NELL1: variants seen among roughly 807,000 people sequenced by gnomAD.
NELL1 encodes the protein neural EGFL like 1.
In NELL1, 76 loss-of-function variants were observed where a neutral mutation model predicts 107.4. That is an observed-to-expected ratio of 0.71 (90% CI 0.59 to 0.86). NELL1 has a LOEUF of 0.86. Ranked by LOEUF, NELL1 falls within the 40% of genes least tolerant of loss-of-function variation. NELL1 has a pLI of 0.00. For missense variants in NELL1, 1,024 were observed against 1,005.5 expected (o/e 1.02, Z -0.25); for synonymous variants, 353 against 341.2 (o/e 1.03, Z -0.38).
intron 12 of NELL1, among the ~76,000 whole-genome samples, chr11:21,072,599 C>T (rs1174613295): frequency 6.6e-6 from 1 of 152,028 alleles, no homozygotes; most frequent in Non-Finnish European, 1.5e-5. Context: ...ACATGACAGA[C>T]TAAAGATAGG....
chr11:21,182,297 G>C lies in NELL1; in HGVS notation c.1427-47035G>C, dbSNP rs1357492379. On this transcript the variant is annotated intron_variant, in intron 13 of 19. Transcript: ENST00000357134. ...AAAAATACAAAAATTAGCCGGATGTGGTGTCAGGTGTCTGTAATCTCAGCT... is the reference window on the plus strand; with the variant it reads ...AAAAATACAAAAATTAGCCGGATGTCGTGTCAGGTGTCTGTAATCTCAGCT... Among the ~76,000 whole-genome samples the C allele has an allele frequency of 2.6e-5, 4 of 151,808 alleles. No individual in the cohort carries two copies. In the East Asian group the frequency reaches 7.7e-4, roughly 29 times the overall value.
At chr11:20,744,288 G>A (rs188307145) in intron 2 of NELL1, among the ~76,000 whole-genome samples, 237 of 151,956 alleles carry the variant, frequency 1.6e-3, no homozygotes, top group African/African-American at 5.5e-3. Context: ...TTTTAAAGTT[G>A]TAAAGTTTTA....
chr11:21,117,004 A>G (rs1251832413), intron 13 of NELL1, among the ~76,000 whole-genome samples: 2 of 151,874 alleles, frequency 1.3e-5, no homozygotes, highest in Non-Finnish European at 2.9e-5. Context: ...TCTGTCTTTT[A>G]CCGTTTCTTT....
chr11:21,102,925 A>G (rs994933596), intron 12 of NELL1, among the ~76,000 whole-genome samples: 26 of 152,220 alleles, frequency 1.7e-4, no homozygotes, highest in Non-Finnish European at 3.5e-4. Flanking sequence ...TAATAAGGTC[A>G]TAGATATAGT....
At chr11:21,093,415 G>A (rs1027183460) in intron 12 of NELL1, among the ~76,000 whole-genome samples, 6 of 152,032 alleles carry the variant, frequency 3.9e-5, no homozygotes, top group Non-Finnish European at 4.4e-5. Context: ...CAACTCTCTA[G>A]CATTCAATTT....
At chr11:20,771,633 G>A (rs1856643065) in intron 2 of NELL1, among the ~76,000 whole-genome samples, 1 of 152,172 alleles carries the variant, frequency 6.6e-6, no homozygotes, top group African/African-American at 2.4e-5. Flanking sequence ...GATACTCTTA[G>A]AGCTGTTTGC....
chr11:21,217,693 C>T (rs1454724903), intron 13 of NELL1, among the ~76,000 whole-genome samples: 2 of 152,148 alleles, frequency 1.3e-5, no homozygotes, highest in African/African-American at 2.4e-5. Flanking sequence ...ATAAAATCTG[C>T]TTGTCATGTC....
At chr11:20,896,566 G>T (rs1849742865) in intron 5 of NELL1, among the ~76,000 whole-genome samples, 1 of 152,062 alleles carries the variant, frequency 6.6e-6, no homozygotes, top group South Asian at 2.1e-4. Flanking sequence ...TTCCATAGGG[G>T]TTAATAGTTT....
At position 21,323,098 on chromosome 11, in the gene NELL1, A is replaced by G. The variant is rs1228661295; in HGVS notation, c.1550-47755A>G. Among the ~76,000 whole-genome samples the G allele has an allele frequency of 2.6e-5, 4 of 152,184 alleles. No homozygotes were observed. In the East Asian group the frequency reaches 7.7e-4, roughly 29 times the overall value. ...CTGGAGAGAAAAAATAATCACCCAT[A>G]TTCGTCTGTACAAAACAATGAAGTA... On this transcript the variant is annotated intron_variant, in intron 14 of 19. Coordinates refer to ENST00000357134, the MANE Select transcript of NELL1 (RefSeq NM_006157.5).
At chr11:20,943,581 CA>C (rs1009258111) in intron 10 of NELL1, among the ~76,000 whole-genome samples, 6 of 147,098 alleles carry the variant, frequency 4.1e-5, no homozygotes, top group East Asian at 2.0e-4. Flanking sequence ...GACCCCATTT[CA>C]AAAAAAAAAC....
At chr11:20,771,560 G>A (rs1443608258) in intron 2 of NELL1, among the ~76,000 whole-genome samples, 1 of 152,140 alleles carries the variant, frequency 6.6e-6, no homozygotes, top group Non-Finnish European at 1.5e-5. Context: ...TGACGGGGAA[G>A]CCTAGATTCC....
At position 21,426,341 on chromosome 11, in the gene NELL1, T is replaced by A. The variant is rs149028302; in HGVS notation, c.1645+55393T>A. Among the ~76,000 whole-genome samples the A allele has an allele frequency of 5.3e-3, 813 of 152,296 alleles. 5 individuals are homozygous for A. The highest frequency in any genetic ancestry group is 0.017 in the African/African-American group (697 of 41,572). ...TATATCCCAGACCCTGATACAATAC[T>A]TGACATACAATATATAGTGGCTGAA... On this transcript the variant is annotated intron_variant, in intron 15 of 19. Transcript: ENST00000357134.
chr11:20,797,712 C>T (rs1034879085), intron 3 of NELL1, among the ~76,000 whole-genome samples: 1 of 151,592 alleles, frequency 6.6e-6, no homozygotes. Context: ...GGATGTAGTT[C>T]TATATTAGGG....
intron 14 of NELL1, among the ~76,000 whole-genome samples, chr11:21,277,776 ATCC>A (rs1401139146): frequency 6.6e-6 from 1 of 152,174 alleles, no homozygotes; most frequent in Admixed American, 6.5e-5. Context: ...GGAAACCATC[ATCC>A]TCAGCAAACT....
intron 2 of NELL1, among the ~76,000 whole-genome samples, chr11:20,679,332 C>G (rs901198035): frequency 6.6e-6 from 1 of 152,172 alleles, no homozygotes; most frequent in African/African-American, 2.4e-5. Flanking sequence ...CTGGATATTC[C>G]TCTACGAAAA....
chr11:21,525,388 A>C (rs1390615895), intron 15 of NELL1, among the ~76,000 whole-genome samples: 1 of 152,186 alleles, frequency 6.6e-6, no homozygotes, highest in Non-Finnish European at 1.5e-5. Context: ...CTTTGCGGAG[A>C]TTGTTCATAC....
chr11:21,194,812 G>C (rs1190922004), intron 13 of NELL1, among the ~76,000 whole-genome samples: 2 of 152,086 alleles, frequency 1.3e-5, no homozygotes, highest in Non-Finnish European at 2.9e-5. Context: ...GCACTCCATG[G>C]ATACAACTGT....
chr11:20,932,445 C>T (rs534630890), intron 9 of NELL1, among the ~76,000 whole-genome samples: 5 of 152,284 alleles, frequency 3.3e-5, no homozygotes, highest in African/African-American at 1.2e-4. Context: ...AATAGAGCTG[C>T]AAACGTGAGT....
At chr11:20,671,107 A>G (rs902095429) in intron 1 of NELL1, 1 of 152,306 alleles carries the variant, frequency 6.6e-6, no homozygotes, top group African/African-American at 2.4e-5. Flanking sequence ...TCAAGGGACA[A>G]AAGAAACCTC....
Sources: gnomAD v4.1 joint callset for allele counts (sites outside exome capture counted in the v4.1 genomes callset) on GRCh38, gnomAD v4.1.1 for gene constraint, MANE v1.5 for transcripts, NCBI Gene and HGNC (gene_info 2026-07-23, HGNC 2026-07-21) for gene names.